Variants in PCDH15 observed in about 807,000 individuals in gnomAD.
PCDH15 encodes protocadherin related 15, also known as protocadherin-15.
In PCDH15, 129 loss-of-function variants were observed where a neutral mutation model predicts 178.5. That is an observed-to-expected ratio of 0.72 (90% confidence interval 0.63 to 0.84). The LOEUF (loss-of-function observed/expected upper bound fraction) is 0.84, where lower values mean the gene tolerates loss of function less well. Among genes scored for constraint, PCDH15 ranks in the 40% least tolerant of loss-of-function variants. The pLI is 0.00. For missense variants in PCDH15, 2,230 were observed against 2,099.9 expected (o/e 1.06, Z -1.21); for synonymous variants, 800 against 732.0 (o/e 1.09, Z -1.50).
At chr10:54,776,811 G>T (rs901958085) in intron 1 of PCDH15, among the ~76,000 whole-genome samples, 1 of 152,102 alleles carries the variant, frequency 6.6e-6, no homozygotes, top group East Asian at 1.9e-4. Flanking sequence ...AGTATGTGAC[G>T]TCACCACACG....
chr10:54,238,659 C>CCTCTCTCTCTCT (rs141677915), intron 8 of PCDH15, among the ~76,000 whole-genome samples: 68 of 130,252 alleles, frequency 5.2e-4, no homozygotes, highest in Non-Finnish European at 9.5e-4. Context: ...TCCCATGCTG[C>CCTCTCTCTCTCT]CTCTCTCTCT....
At chr10:54,000,216 C>T (rs534342969) in intron 20 of PCDH15, among the ~76,000 whole-genome samples, 4 of 152,198 alleles carry the variant, frequency 2.6e-5, no homozygotes, top group Admixed American at 1.3e-4. Context: ...ATAACAAATA[C>T]GAAGAAGTCC....
At position 55,138,887 on chromosome 10, in the gene PCDH15, T is replaced by A. The variant is rs184498039; in HGVS notation, c.-80+27689A>T. Among the ~76,000 whole-genome samples the A allele has an allele frequency of 1.2e-3, 188 of 152,240 alleles. 3 individuals are homozygous for A. Among genetic ancestry groups the A allele is most frequent in the Non-Finnish European group, 2.5e-4 (17 of 68,006 alleles). ...TTACACAGTATGTCCCTTTGTATAT[T>A]TTTTTAAACCCAGTATAATGTTGAG... On this transcript the variant is annotated intron_variant, in intron 2 of 5. Coordinates refer to the PCDH15 transcript ENST00000458638.
At position 54,369,225 on chromosome 10, in the gene PCDH15, T is replaced by C. The variant is rs1317246200; in HGVS notation, c.369A>G (p.Lys123=). Residue 123 remains lysine (K), a synonymous_variant, in exon 5 of 38, where the codon AAA becomes AAG. Coordinates refer to ENST00000644397, the MANE Select transcript of PCDH15 (RefSeq NM_001384140.1). ...CATGGTAGATAATAGTGCCCACTTT[T>C]TTGTTGATGCACTGGACCTGCACCA... ...SIVVQVQCIN[K]KVGTIIYHEV... is the part of the protein sequence containing the mutation. The C allele has an allele frequency of 1.5e-5, 25 of 1,612,918 alleles. No individual in the cohort carries two copies. The highest frequency in any genetic ancestry group is 2.1e-5 in the Non-Finnish European group (25 of 1,179,390).
At chr10:55,005,493 C>T (rs898947122) in intron 2 of PCDH15, among the ~76,000 whole-genome samples, 10 of 152,152 alleles carry the variant, frequency 6.6e-5, no homozygotes, top group South Asian at 2.1e-4. Flanking sequence ...TTAGTATCTA[C>T]GTGGATACGC....
intron 1 of PCDH15, among the ~76,000 whole-genome samples, chr10:55,226,776 G>T (rs1367314057): frequency 6.6e-6 from 1 of 152,000 alleles, no homozygotes; most frequent in Non-Finnish European, 1.5e-5. Context: ...ATTTAAAACA[G>T]AAAATATTTA....
At chr10:54,047,867 T>A (rs1318455710) in intron 18 of PCDH15, among the ~76,000 whole-genome samples, 1 of 152,172 alleles carries the variant, frequency 6.6e-6, no homozygotes, top group Non-Finnish European at 1.5e-5. Context: ...GGTAGTGCTG[T>A]CATGAAAATA....
intron 3 of PCDH15, among the ~76,000 whole-genome samples, chr10:54,501,912 G>A (rs2137452674): frequency 6.6e-6 from 1 of 152,140 alleles, no homozygotes; most frequent in Non-Finnish European, 1.5e-5. Flanking sequence ...ATGCATGCAT[G>A]CATATCCATC....
chr10:55,361,108 T>C (rs1480447396), intron 2 of PCDH15, among the ~76,000 whole-genome samples: 1 of 151,952 alleles, frequency 6.6e-6, no homozygotes. Flanking sequence ...AGAGTATATA[T>C]TGCATGATAT....
intron 2 of PCDH15, among the ~76,000 whole-genome samples, chr10:54,539,424 G>A (rs34353137): frequency 0.013 from 1,909 of 152,226 alleles, 17 homozygotes; most frequent in Admixed American, 0.02. Context: ...TCAAAGACAA[G>A]ACTTAGTTAT....
chr10:55,283,888 T>A (rs1176278431), intron 1 of PCDH15, among the ~76,000 whole-genome samples: 1 of 151,926 alleles, frequency 6.6e-6, no homozygotes, highest in Admixed American at 6.6e-5. Context: ...AATTAAAAAG[T>A]TGTTATAGCT....
chr10:54,996,137 G>A (rs1379998140), intron 2 of PCDH15, among the ~76,000 whole-genome samples: 1 of 152,156 alleles, frequency 6.6e-6, no homozygotes, highest in East Asian at 1.9e-4. Context: ...AGACTGCAGT[G>A]GGCCAGGAGT....
rs372047735 is a variant in PCDH15 at position 55,118,284 on chromosome 10, T to C, written c.-80+48292A>G. Among the ~76,000 whole-genome samples, 8 of 152,312 alleles carry C rather than the reference T, an allele frequency of 5.3e-5. No homozygotes were observed. The East Asian group carries it at 5.8e-4, about 11-fold the overall frequency. ...AAATAAAAAATCTGGGTCCTCTAGGTAGACACTGTTGAATCTGTGCCAGTT... is the reference window on the plus strand; with the variant it reads ...AAATAAAAAATCTGGGTCCTCTAGGCAGACACTGTTGAATCTGTGCCAGTT... On this transcript the variant is annotated intron_variant, in intron 2 of 5. Transcript: ENST00000458638.
At chr10:54,017,017 AAC>A (rs2092761482) in intron 20 of PCDH15, among the ~76,000 whole-genome samples, 1 of 152,044 alleles carries the variant, frequency 6.6e-6, no homozygotes, top group Non-Finnish European at 1.5e-5. Flanking sequence ...GTTAAGATAT[AAC>A]ATTTATTTTA....
chr10:53,804,321 T>A lies in PCDH15; in HGVS notation c.*2258A>T, dbSNP rs1013883600. 6.6e-6 allele frequency: 1 copy of A among 152,104 alleles called. No homozygotes were observed. Among genetic ancestry groups the A allele is most frequent in the Non-Finnish European group, 1.5e-5 (1 of 67,910 alleles). 9.4% of individuals were successfully genotyped at this position (152,104 alleles called of 1,614,324 possible). On this transcript the variant is annotated 3_prime_UTR_variant, in exon 38 of 38. Transcript: ENST00000644397. Reference sequence around the variant, plus strand: ...AAATGTAGTTTAAAATACAGTGACATCTCATATGTCAGGCCACTAGACTTC... The same window carrying A: ...AAATGTAGTTTAAAATACAGTGACAACTCATATGTCAGGCCACTAGACTTC...
chr10:55,447,534 G>A lies in PCDH15; in HGVS notation c.-156+180091C>T, dbSNP rs368800750. Among the ~76,000 whole-genome samples the A allele has an allele frequency of 1.4e-4, 21 of 151,976 alleles. No homozygotes were observed. The East Asian group carries it at 1.5e-3, about 11-fold the overall frequency. On this transcript the variant is annotated intron_variant, in intron 2 of 5. Transcript: ENST00000613346. ...TCTCCAGAAATGCTTCAGGCTTAAT[G>A]AGCAATAGAATCAAATAGGCGGAAA...
intron 21 of PCDH15, among the ~76,000 whole-genome samples, chr10:53,962,628 C>A (rs1292884563): frequency 6.6e-6 from 1 of 152,074 alleles, no homozygotes; most frequent in Middle Eastern, 3.2e-3. Context: ...TACTCTGTTA[C>A]CCATTTTAGA....
chr10:54,525,569 G>T (rs940775999), intron 3 of PCDH15, among the ~76,000 whole-genome samples: 1 of 151,932 alleles, frequency 6.6e-6, no homozygotes, highest in Non-Finnish European at 1.5e-5. Flanking sequence ...AGTGATTCTC[G>T]TGCCTCAGCC....
At chr10:55,125,515 G>T (rs1429328822) in intron 2 of PCDH15, among the ~76,000 whole-genome samples, 1 of 151,962 alleles carries the variant, frequency 6.6e-6, no homozygotes, top group Non-Finnish European at 1.5e-5. Context: ...ACCCATAAAG[G>T]TCAGCCTCCT....
Sources: gnomAD v4.1 joint callset for allele counts (sites outside exome capture counted in the v4.1 genomes callset) on GRCh38, gnomAD v4.1.1 for gene constraint, MANE v1.5 for transcripts, NCBI Gene and HGNC (gene_info 2026-07-23, HGNC 2026-07-21) for gene names.